The following IL1RAPL2 variants were observed in gnomAD, a reference collection of about 807,000 sequenced individuals.
IL1RAPL2 encodes the protein interleukin 1 receptor accessory protein like 2, also known as X-linked interleukin-1 receptor accessory protein-like 2.
Under a neutral mutation model 44.1 loss-of-function variants are expected in IL1RAPL2, and 3 were observed. That is an observed-to-expected ratio of 0.07 (90% CI 0.03 to 0.18). The LOEUF (loss-of-function observed/expected upper bound fraction) is 0.18. IL1RAPL2 is among the 10% of genes least tolerant of loss of function. The probability of loss-of-function intolerance (pLI) is 1.00; values close to 1 mark genes in which losing one functional copy is unlikely to be tolerated. For synonymous variants in IL1RAPL2, 181 were observed against 178.8 expected (o/e 1.01, Z -0.10); for missense variants, 391 against 496.4 (o/e 0.79, Z 2.02).
chrX:105,409,370 A>C (rs2147739783), intron 5 of IL1RAPL2, among the ~76,000 whole-genome samples: 1 of 112,111 alleles, frequency 8.9e-6, no homozygotes, highest in Non-Finnish European at 1.9e-5. Flanking sequence ...ACAATTATTT[A>C]TTGGAGACAC....
intron 5 of IL1RAPL2, among the ~76,000 whole-genome samples, chrX:105,478,664 T>G (rs1247723832): frequency 4.5e-5 from 5 of 111,987 alleles, no homozygotes; most frequent in Non-Finnish European, 9.4e-5. Flanking sequence ...TTTCTGTTAT[T>G]AAACCTAGTT....
At chrX:105,030,227 T>A (rs899215534) in intron 2 of IL1RAPL2, among the ~76,000 whole-genome samples, 1 of 111,750 alleles carries the variant, frequency 8.9e-6, no homozygotes, top group Non-Finnish European at 1.9e-5. Context: ...TTTCTTTTGC[T>A]GTGCAGAAGC....
At chrX:105,145,942 G>A (rs1039136087) in intron 2 of IL1RAPL2, among the ~76,000 whole-genome samples, 6 of 110,877 alleles carry the variant, frequency 5.4e-5, no homozygotes, top group African/African-American at 2.0e-4. Context: ...GATCAAAAGG[G>A]TGGAGCCCTC....
chrX:105,207,071 G>C (rs1416855025), intron 3 of IL1RAPL2, among the ~76,000 whole-genome samples: 2 of 111,394 alleles, frequency 1.8e-5, no homozygotes, highest in Admixed American at 9.5e-5. Flanking sequence ...GTTCATGGTG[G>C]AACACAAATG....
intron 2 of IL1RAPL2, among the ~76,000 whole-genome samples, chrX:104,978,577 G>T (rs2030379780): frequency 9.0e-6 from 1 of 111,611 alleles, no homozygotes; most frequent in Non-Finnish European, 1.9e-5. Flanking sequence ...ACCAGCTAAT[G>T]CAATTAGATG....
At chrX:105,529,566 A>G (rs1204004049) in intron 6 of IL1RAPL2, among the ~76,000 whole-genome samples, 2 of 111,399 alleles carry the variant, frequency 1.8e-5, no homozygotes, top group Non-Finnish European at 3.8e-5. Context: ...GAAATGTACA[A>G]ATCTTAAGTG....
intron 2 of IL1RAPL2, among the ~76,000 whole-genome samples, chrX:104,901,203 T>C (rs1923804831): frequency 2.2e-5 from 1 of 46,338 alleles, no homozygotes; most frequent in Non-Finnish European, 3.7e-5. Flanking sequence ...TTGCTTCTTT[T>C]TTTTTTTTTT....
chrX:104,839,045 C>T (rs1436569253), intron 2 of IL1RAPL2, among the ~76,000 whole-genome samples: 4 of 107,697 alleles, frequency 3.7e-5, no homozygotes, highest in Non-Finnish European at 5.7e-5. Context: ...GATGGGCTTT[C>T]ATCATCTTGG....
At chrX:104,788,163 A>G (rs1932808208) in intron 2 of IL1RAPL2, among the ~76,000 whole-genome samples, 1 of 112,480 alleles carries the variant, frequency 8.9e-6, no homozygotes, top group African/African-American at 3.2e-5. Flanking sequence ...AAATTTAGGC[A>G]TCAGTATGCA....
chrX:104,903,658 A>T (rs12860128), intron 2 of IL1RAPL2, among the ~76,000 whole-genome samples: 8,789 of 110,466 alleles, frequency 0.08, 364 homozygotes, highest in Middle Eastern at 0.23. Flanking sequence ...TCTCACTGCA[A>T]CCTCTGCCTC....
chrX:104,584,776 AT>A (rs1928474787), intron 1 of IL1RAPL2, among the ~76,000 whole-genome samples: 1 of 111,038 alleles, frequency 9.0e-6, no homozygotes, highest in African/African-American at 3.3e-5. Flanking sequence ...CAAGTTTTCT[AT>A]CAGAGGAAAA....
chrX:105,377,396 A>G (rs5916900), intron 5 of IL1RAPL2, among the ~76,000 whole-genome samples: 1,693 of 98,967 alleles, frequency 0.017, 41 homozygotes, highest in African/African-American at 0.06. Flanking sequence ...GTGTGTGTGT[A>G]TGTGTGTGTG....
At chrX:104,830,633 C>T (rs991141656) in intron 2 of IL1RAPL2, among the ~76,000 whole-genome samples, 5 of 111,681 alleles carry the variant, frequency 4.5e-5, no homozygotes, top group African/African-American at 1.6e-4. Flanking sequence ...CATAATGTTA[C>T]AGTGTAGAGT....
chrX:104,640,420 T>A lies in IL1RAPL2; in HGVS notation c.-19-18475T>A, dbSNP rs149787523. Among the ~76,000 whole-genome samples, 438 of 112,170 alleles carry A rather than the reference T, an allele frequency of 3.9e-3. 1 individual carries two copies. The highest frequency in any genetic ancestry group is 0.013 in the African/African-American group (406 of 30,984). ...TTTGGATTTCTTTGTATTGTGTATC[T>A]GAGTTGTATTGTACCTCACTAAGCT... is the stretch of plus-strand genomic sequence containing the variant. On this transcript the variant is annotated intron_variant, in intron 1 of 10. Coordinates refer to ENST00000372582, the MANE Select transcript of IL1RAPL2 (RefSeq NM_017416.2).
chrX:104,886,508 C>T (rs749177235), intron 2 of IL1RAPL2, among the ~76,000 whole-genome samples: 5 of 112,457 alleles, frequency 4.4e-5, no homozygotes, highest in African/African-American at 1.3e-4. Context: ...GGAAATGCAG[C>T]AGTCCCTGCA....
chrX:105,371,193 G>T (rs773279057), intron 5 of IL1RAPL2, among the ~76,000 whole-genome samples: 11 of 111,703 alleles, frequency 9.8e-5, no homozygotes, highest in Non-Finnish European at 1.9e-4. Flanking sequence ...TCTCTTTATT[G>T]TATTGACAAT....
chrX:105,403,301 T>C (rs1283349025), intron 5 of IL1RAPL2, among the ~76,000 whole-genome samples: 1 of 111,981 alleles, frequency 8.9e-6, no homozygotes, highest in African/African-American at 3.2e-5. Context: ...AGAATGACTA[T>C]AAATGCACAG....
intron 2 of IL1RAPL2, among the ~76,000 whole-genome samples, chrX:104,693,368 C>T (rs1197094342): frequency 2.7e-5 from 3 of 111,651 alleles, no homozygotes; most frequent in African/African-American, 9.8e-5. Flanking sequence ...TCCATATCAG[C>T]TTTGTTTTTC....
chrX:104,661,013 A>G (rs1014147565), intron 2 of IL1RAPL2, among the ~76,000 whole-genome samples: 5 of 111,162 alleles, frequency 4.5e-5, no homozygotes, highest in African/African-American at 1.6e-4. Context: ...AGATGTCATT[A>G]AAAGATCAAC....
Sources: allele counts gnomAD v4.1 joint callset (sites outside exome capture counted in the v4.1 genomes callset), GRCh38; gene constraint gnomAD v4.1.1; transcripts MANE v1.5; gene names NCBI Gene and HGNC (gene_info 2026-07-23, HGNC 2026-07-21).